The following DCBLD1 variants were observed in gnomAD, a reference collection of about 807,000 sequenced individuals.
DCBLD1 encodes the protein discoidin, CUB and LCCL domain containing 1, also known as discoidin, CUB and LCCL domain-containing protein 1.
Under a neutral mutation model 71.5 loss-of-function variants are expected in DCBLD1, and 57 were observed. That is an observed-to-expected ratio of 0.80 (90% CI 0.64 to 0.99). The LOEUF (loss-of-function observed/expected upper bound fraction) is 0.99, where lower values mean the gene tolerates loss of function less well. Among genes scored for constraint, DCBLD1 ranks in the 50% least tolerant of loss-of-function variants. The pLI is 0.00. For synonymous variants in DCBLD1, 380 were observed against 363.8 expected, an observed-to-expected ratio of 1.04 and a Z score of -0.51; for missense variants, 891 against 923.5, an observed-to-expected ratio of 0.96 and a Z score of 0.46.
At chr6:117,495,963 A>G (rs9489215) in intron 1 of DCBLD1, among the ~76,000 whole-genome samples, 18,209 of 152,270 alleles carry the variant, frequency 0.12, 1,158 homozygotes, top group Middle Eastern at 0.19. Context: ...AAATGATTTG[A>G]TTCATTTTCA....
At chr6:117,499,546 A>G (rs1231896484) in intron 1 of DCBLD1, among the ~76,000 whole-genome samples, 1 of 152,184 alleles carries the variant, frequency 6.6e-6, no homozygotes, top group Non-Finnish European at 1.5e-5. Context: ...TATTTTTTCA[A>G]TTATTTAATT....
At chr6:117,556,874 C>G (rs576460240) in intron 14 of DCBLD1, among the ~76,000 whole-genome samples, 5 of 152,062 alleles carry the variant, frequency 3.3e-5, no homozygotes, top group African/African-American at 9.7e-5. Flanking sequence ...CTGTAGCCTC[C>G]CCAACATCTG....
chr6:117,501,550 T>G (rs1777660639), intron 1 of DCBLD1, among the ~76,000 whole-genome samples: 1 of 152,222 alleles, frequency 6.6e-6, no homozygotes, highest in Non-Finnish European at 1.5e-5. Context: ...GTCAGGCTGG[T>G]CTCGAACTCC....
chr6:117,564,788 G>A (rs943715923), intron 14 of DCBLD1, among the ~76,000 whole-genome samples: 1 of 152,188 alleles, frequency 6.6e-6, no homozygotes, highest in Non-Finnish European at 1.5e-5. Context: ...ACCATATGGA[G>A]AGCAGCCCAA....
chr6:117,527,173 T>C (rs913092591), intron 5 of DCBLD1, among the ~76,000 whole-genome samples: 1 of 152,208 alleles, frequency 6.6e-6, no homozygotes, highest in Non-Finnish European at 1.5e-5. Context: ...CCTAGCAAGA[T>C]AGATTACACT....
At chr6:117,495,540 G>A (rs946588993) in intron 1 of DCBLD1, among the ~76,000 whole-genome samples, 3 of 152,118 alleles carry the variant, frequency 2.0e-5, no homozygotes, top group African/African-American at 4.8e-5. Flanking sequence ...CCTTAGAGAG[G>A]TAAAAAGACT....
intron 14 of DCBLD1, among the ~76,000 whole-genome samples, chr6:117,564,752 A>G (rs1181253527): frequency 6.6e-6 from 1 of 152,224 alleles, no homozygotes; most frequent in Non-Finnish European, 1.5e-5. Context: ...TCCCGACAGA[A>G]AACAGCAAGT....
At chr6:117,539,217 C>A in intron 8 of DCBLD1, 38 bp from the exon 9 acceptor site, 4 of 1,485,738 alleles carry the variant, frequency 2.7e-6, no homozygotes, top group South Asian at 1.4e-5. Flanking sequence ...ATTTAACAAA[C>A]TTTTAAAAAT....
At chr6:117,540,547 AG>A in intron 9 of DCBLD1, 120 bp from the exon 10 acceptor site, 1 of 1,261,184 alleles carries the variant, frequency 7.9e-7, no homozygotes, top group Non-Finnish European at 1.1e-6. Flanking sequence ...AAGAGTGTCT[AG>A]AAAAATGCAA....
chr6:117,514,133 T>C (rs192215025), intron 2 of DCBLD1, among the ~76,000 whole-genome samples: 16 of 152,338 alleles, frequency 1.1e-4, no homozygotes, highest in Non-Finnish European at 2.1e-4. Context: ...TCTAGGAATG[T>C]AATTATTAAC....
Position 117,539,263 on chromosome 6 carries a change from AC to A in DCBLD1, c.987del (p.Thr330GlnfsTer16). ...GEKKKITGIRTTGSTQSNFNF... is the reference protein window; with the variant it reads ...GEKKKITGIRXTGSTQSNFNF... ...TATTATTTTCTTACAAGGAATTAGG[AC>A]CACAGGATCTACACAGTCGAACTTC... is the stretch of plus-strand genomic sequence containing the variant. On this transcript the variant is annotated frameshift_variant, in exon 9 of 15. Transcript: ENST00000338728. LOFTEE classifies it high-confidence loss of function. 1.3e-6 allele frequency: 2 copies of A among 1,527,798 alleles called. No individual in the cohort carries two copies. The highest frequency in any genetic ancestry group is 1.8e-6 in the Non-Finnish European group (2 of 1,141,394). The allele number at this position is 1,527,798 out of a possible 1,614,324, so 94.6% of individuals were successfully genotyped here.
At chr6:117,563,929 A>G (rs1217222787) in intron 14 of DCBLD1, among the ~76,000 whole-genome samples, 3 of 151,528 alleles carry the variant, frequency 2.0e-5, no homozygotes, top group South Asian at 2.1e-4. Flanking sequence ...TATTGGGCTT[A>G]TGTAAAAATT....
chr6:117,538,883 G>C, intron 8 of DCBLD1, 48 bp downstream of exon 8: 21 of 1,556,190 alleles, frequency 1.3e-5, no homozygotes, highest in Non-Finnish European at 1.6e-5. Flanking sequence ...TTTCATGACT[G>C]TAAATGACTC....
chr6:117,556,876 C>A (rs1432791823), intron 14 of DCBLD1, among the ~76,000 whole-genome samples: 3 of 152,170 alleles, frequency 2.0e-5, no homozygotes, highest in African/African-American at 7.2e-5. Flanking sequence ...GTAGCCTCCC[C>A]AACATCTGTT....
At chr6:117,560,128 A>T (rs966593880) in intron 14 of DCBLD1, 1 of 155,452 alleles carries the variant, frequency 6.4e-6, no homozygotes, top group Non-Finnish European at 1.4e-5. Context: ...TTGATTTTCT[A>T]ACTTTCATCA....
At chr6:117,504,894 C>T (rs1241848477) in intron 2 of DCBLD1, among the ~76,000 whole-genome samples, 1 of 152,198 alleles carries the variant, frequency 6.6e-6, no homozygotes, top group African/African-American at 2.4e-5. Flanking sequence ...AAAATCCTGT[C>T]TGCCTGGTAG....
At position 117,547,508 on chromosome 6, in the gene DCBLD1, C is replaced by A. The variant is rs974208443; in HGVS notation, c.1616-399C>A. The A allele has an allele frequency of 8.2e-6, 4 of 488,560 alleles. No individual in the cohort carries two copies. In the Admixed American group the frequency reaches 9.3e-5, roughly 11 times the overall value. The allele number at this position is 488,560 out of a possible 1,614,324, so 30.3% of individuals were successfully genotyped here. A position where few individuals can be genotyped will look rare whatever the true frequency, so the allele number is the denominator to read the frequency against. On this transcript the variant is annotated intron_variant, in intron 14 of 14. Coordinates refer to ENST00000338728, the MANE Select transcript of DCBLD1 (RefSeq NM_001366458.2). ...TGGTCCTCATATCCTATTAAACAAA[C>A]TACTCTGTGTCCCTCATACTCTGGC...
At chr6:117,516,201 A>T (rs1224860991) in intron 2 of DCBLD1, among the ~76,000 whole-genome samples, 1 of 151,732 alleles carries the variant, frequency 6.6e-6, no homozygotes, top group African/African-American at 2.4e-5. Context: ...AAAAAAAAAA[A>T]ATACAAAAAA....
chr6:117,542,780 T>C (rs11153673), intron 11 of DCBLD1, among the ~76,000 whole-genome samples: 4,173 of 151,528 alleles, frequency 0.028, 74 homozygotes, highest in East Asian at 0.042. Flanking sequence ...CCTGTCTAAA[T>C]AGTTCTCACC....
Sources: gnomAD v4.1 joint callset for allele counts (sites outside exome capture counted in the v4.1 genomes callset) on GRCh38, gnomAD v4.1.1 for gene constraint, MANE v1.5 for transcripts, NCBI Gene and HGNC (gene_info 2026-07-23, HGNC 2026-07-21) for gene names.